VWCE: variants seen among roughly 807,000 people sequenced by gnomAD.
VWCE encodes the protein von Willebrand factor C and EGF domains, also known as von Willebrand factor C and EGF domain-containing protein.
VWCE carries 68 observed loss-of-function variants against 102.9 expected under a neutral mutation model. That is an observed-to-expected ratio of 0.66 (90% CI 0.54 to 0.81). The LOEUF is 0.81. VWCE is among the 30% of genes least tolerant of loss of function. The pLI, the probability that VWCE is intolerant of heterozygous loss-of-function variation, is 0.00. For synonymous variants in VWCE, 497 were observed against 515.4 expected, an observed-to-expected ratio of 0.96 and a Z score of 0.48; for missense variants, 1,137 against 1,263.6, an observed-to-expected ratio of 0.90 and a Z score of 1.52.
At chr11:61,286,573 C>T in intron 4 of VWCE, 143 bp from the exon 5 acceptor site, 1 of 698,190 alleles carries the variant, frequency 1.4e-6, no homozygotes, top group Non-Finnish European at 2.5e-6. Context: ...GAGGCCGAGG[C>T]CCATGGATCA....
At position 61,271,689 on chromosome 11, in the gene VWCE, A is replaced by T. The variant is rs1481262058; in HGVS notation, c.1771T>A (p.Leu591Ile). 6.2e-7 allele frequency: 1 copy of T among 1,613,100 alleles called. No homozygotes were observed. Among genetic ancestry groups the T allele is most frequent in the Non-Finnish European group, 8.5e-7 (1 of 1,179,590 alleles). The change falls in exon 14 of 20, where the codon TTA (leucine) becomes ATA (isoleucine). Residue 591 changes from leucine (L) to isoleucine (I), a missense_variant. Leu to Ile is a conservative substitution (Grantham distance 5). Transcript: ENST00000335613. ...TTGTCATTCACCTGGCAGATGCATA[A>T]CTCACAGGGGTCACCAGGCGACCAG... The part of the protein sequence containing the change: ...QIWSPGDPCE[L>I]CICQADGSVS...
Position 61,274,543 on chromosome 11 carries a change from C to A in VWCE, c.1537G>T (p.Val513Leu), listed in dbSNP as rs774011372. Residue 513 changes from valine (V) to leucine (L), a missense_variant, in exon 12 of 20, where the codon GTG becomes TTG. Val to Leu is a conservative substitution (Grantham distance 32). Transcript: ENST00000335613. ...FHGRWYADGAVFSGGGDECTT... is the reference protein window; with the variant it reads ...FHGRWYADGALFSGGGDECTT... ...CACTCGTCACCACCCCCACTGAACACAGCCCCGTCTGCGTACCACCGGCCG... is the reference window on the plus strand; with the variant it reads ...CACTCGTCACCACCCCCACTGAACAAAGCCCCGTCTGCGTACCACCGGCCG... 1.9e-6 allele frequency: 3 copies of A among 1,613,816 alleles called. No individual in the cohort carries two copies. The Admixed American group carries it at 5.0e-5, about 27-fold the overall frequency.
At chr11:61,280,500 T>C (rs879349070) in intron 9 of VWCE, 124 bp downstream of exon 9, 1 of 959,724 alleles carries the variant, frequency 1.0e-6, no homozygotes, top group East Asian at 2.6e-5. Flanking sequence ...AAGGGAAGTG[T>C]GGCTTAGTAA....
chr11:61,267,402 A>G, intron 16 of VWCE, 60 bp downstream of exon 16: 5 of 1,538,140 alleles, frequency 3.3e-6, no homozygotes, highest in Non-Finnish European at 4.5e-6. Context: ...GGGATTCAGG[A>G]GCCGATGTCA....
chr11:61,268,405 T>C (rs1854574139), intron 15 of VWCE, among the ~76,000 whole-genome samples: 2 of 152,040 alleles, frequency 1.3e-5, no homozygotes. Flanking sequence ...AATACAAAAA[T>C]TAGCCAGGCA....
intron 4 of VWCE, among the ~76,000 whole-genome samples, chr11:61,290,317 C>G (rs1043772159): frequency 2.0e-5 from 3 of 152,006 alleles, no homozygotes; most frequent in Admixed American, 6.6e-5. Context: ...TTCGAGACCA[C>G]CCTGGCCAAC....
intron 4 of VWCE, among the ~76,000 whole-genome samples, chr11:61,289,500 T>G (rs1855432617): frequency 6.6e-6 from 1 of 152,112 alleles, no homozygotes; most frequent in African/African-American, 2.4e-5. Context: ...TCCACCCGCC[T>G]CGGCCTCCCA....
Position 61,274,547 on chromosome 11 carries a change from C to G in VWCE, c.1533G>C (p.Gly511=). 1 of 1,613,814 alleles carries G rather than the reference C, an allele frequency of 6.2e-7. No homozygotes were observed. Among genetic ancestry groups the G allele is most frequent in the Non-Finnish European group, 8.5e-7 (1 of 1,179,950 alleles). ...CYFHGRWYAD[G]AVFSGGGDEC... ...CGTCACCACCCCCACTGAACACAGCCCCGTCTGCGTACCACCGGCCGTGGA... is the reference window on the plus strand; with the variant it reads ...CGTCACCACCCCCACTGAACACAGCGCCGTCTGCGTACCACCGGCCGTGGA... Residue 511 remains glycine, a synonymous_variant, in exon 12 of 20, where the codon GGG becomes GGC. Transcript: ENST00000335613.
intron 14 of VWCE, among the ~76,000 whole-genome samples, chr11:61,270,955 C>A (rs1317222167): frequency 6.6e-6 from 1 of 151,884 alleles, no homozygotes; most frequent in African/African-American, 2.4e-5. Context: ...GCGATCCTCC[C>A]ACCTTAGCCT....
chr11:61,290,697 G>C (rs1240058470), intron 4 of VWCE, 102 bp downstream of exon 4: 1 of 1,384,300 alleles, frequency 7.2e-7, no homozygotes, highest in African/African-American at 1.4e-5. Context: ...TCTTGGCTCA[G>C]CTTAGCCTTG....
At chr11:61,283,053 T>C (rs1350209663) in intron 5 of VWCE, 148 bp from the exon 6 acceptor site, 18 of 718,396 alleles carry the variant, frequency 2.5e-5, no homozygotes, top group Non-Finnish European at 4.0e-5. Context: ...ACTGCCCACA[T>C]CCAGTCCTAA....
intron 16 of VWCE, 37 bp from the exon 17 acceptor site, chr11:61,265,249 A>C: frequency 6.9e-7 from 1 of 1,449,892 alleles, no homozygotes; most frequent in Non-Finnish European, 9.1e-7. Flanking sequence ...CCCTCGGTTC[A>C]GGGCAGCTGA....
rs1257092712 is a variant in VWCE at position 61,259,285 on chromosome 11, T to C, written c.2258A>G (p.Gln753Arg). Residue 753 changes from glutamine (Q) to arginine (R), a missense_variant, in exon 20 of 20, where the codon CAG becomes CGG. Transcript: ENST00000335613. ...CACATTTCCGTGAGGGGAGAGCCCCTGCTTTTCTTCCAGAGGAGACAGGGA... is the reference window on the plus strand; with the variant it reads ...CACATTTCCGTGAGGGGAGAGCCCCCGCTTTTCTTCCAGAGGAGACAGGGA... ...PDSLSPLEEK[Q>R]GLSPHGNVAF... 1.9e-6 allele frequency: 3 copies of C among 1,593,392 alleles called. No individual in the cohort carries two copies. In the South Asian group the frequency reaches 3.4e-5, roughly 18 times the overall value.
At chr11:61,287,978 AC>A (rs1197234339) in intron 4 of VWCE, among the ~76,000 whole-genome samples, 1 of 151,270 alleles carries the variant, frequency 6.6e-6, no homozygotes, top group Admixed American at 6.6e-5. Flanking sequence ...ACATGGTGAA[AC>A]CCCGTCTCTA....
At chr11:61,283,423 T>G (rs957602434) in intron 5 of VWCE, among the ~76,000 whole-genome samples, 2 of 152,168 alleles carry the variant, frequency 1.3e-5, no homozygotes, top group African/African-American at 4.8e-5. Context: ...GTTGTTGTTG[T>G]TTTTTGAGAC....
At chr11:61,265,483 TAAGCA>T (rs1304896763) in intron 16 of VWCE, among the ~76,000 whole-genome samples, 1 of 152,110 alleles carries the variant, frequency 6.6e-6, no homozygotes, top group Admixed American at 6.6e-5. Context: ...CCAGAAAAGA[TAAGCA>T]CCAAAACCCG....
chr11:61,274,368 T>G, intron 12 of VWCE, 131 bp downstream of exon 12: 1 of 815,546 alleles, frequency 1.2e-6, no homozygotes, highest in Non-Finnish European at 1.9e-6. Context: ...CTGTAGTGCC[T>G]TTGCTTCCTC....
At position 61,271,759 on chromosome 11, in the gene VWCE, G is replaced by T. The variant is rs1269079740; in HGVS notation, c.1701C>A (p.Gly567=). ...CAACCCCGTTGTCGTCAAGAGAGCAGCCTGGATGAGGACAATGGCAGAGAA... is the reference window on the plus strand; with the variant it reads ...CAACCCCGTTGTCGTCAAGAGAGCATCCTGGATGAGGACAATGGCAGAGAA... ...FTCQEPTPST[G]CSLDDNGVEF... Residue 567 remains glycine (G), a splice_region_variant and synonymous_variant, in exon 14 of 20, where the codon GGC becomes GGA. Transcript: ENST00000335613. 6.2e-7 allele frequency: 1 copy of T among 1,613,068 alleles called. No homozygotes were observed. Among genetic ancestry groups the T allele is most frequent in the Non-Finnish European group, 8.5e-7 (1 of 1,179,538 alleles).
Position 61,281,271 on chromosome 11 carries a change from A to G in VWCE, c.788-36T>C, listed in dbSNP as rs752612262. 52 of 1,609,726 alleles carry G rather than the reference A, an allele frequency of 3.2e-5. No homozygotes were observed. The African/African-American group carries it at 6.4e-4, about 20-fold the overall frequency. ...AGCACGGAGGTCTCTTGGGGTGGAC[A>G]GCAGAGACAGGAGGCAGGGTTTAGG... On this transcript the variant is annotated intron_variant, in intron 7 of 19. Coordinates refer to ENST00000335613, the MANE Select transcript of VWCE (RefSeq NM_152718.2).
Sources: allele counts gnomAD v4.1 joint callset (sites outside exome capture counted in the v4.1 genomes callset), GRCh38; gene constraint gnomAD v4.1.1; transcripts MANE v1.5; gene names NCBI Gene and HGNC (gene_info 2026-07-23, HGNC 2026-07-21).